The following PDE7B variants were observed in gnomAD, a reference collection of about 807,000 sequenced individuals.
The protein encoded by PDE7B is 3',5'-cyclic-AMP phosphodiesterase 7B.
In PDE7B, 29 loss-of-function variants were observed where a neutral mutation model predicts 56.2. That is an observed-to-expected ratio of 0.52 (90% CI 0.38 to 0.70). The LOEUF (loss-of-function observed/expected upper bound fraction) is 0.70. Among genes scored for constraint, PDE7B ranks in the 30% least tolerant of loss-of-function variants. The probability of loss-of-function intolerance (pLI) is 0.00; values close to 1 mark genes in which losing one functional copy is unlikely to be tolerated. For missense variants in PDE7B, 490 were observed against 565.0 expected, an observed-to-expected ratio of 0.87 and a Z score of 1.35; for synonymous variants, 197 against 196.9, an observed-to-expected ratio of 1.00 and a Z score of 0.00.
At chr6:135,956,306 G>T (rs1774792578) in intron 2 of PDE7B, among the ~76,000 whole-genome samples, 1 of 152,194 alleles carries the variant, frequency 6.6e-6, no homozygotes, top group Non-Finnish European at 1.5e-5. Context: ...TTCAAAAGGT[G>T]GGGCATAATA....
intron 2 of PDE7B, among the ~76,000 whole-genome samples, chr6:135,979,960 C>T (rs1207687676): frequency 1.2e-4 from 18 of 152,002 alleles, no homozygotes; most frequent in Non-Finnish European, 2.1e-4. Context: ...CATATGGAAC[C>T]AAAAAAGAGC....
Position 136,126,956 on chromosome 6 carries a change from A to T in PDE7B, c.166+18142A>T, listed in dbSNP as rs112750762. Reference sequence around the variant, plus strand: ...TCCCCAATAACCTATGGAAATAAAAATTTTTTTAAAAATTATACAAAAGAA... The same window carrying T: ...TCCCCAATAACCTATGGAAATAAAATTTTTTTTAAAAATTATACAAAAGAA... On this transcript the variant is annotated intron_variant, in intron 3 of 12. Coordinates refer to ENST00000308191, the MANE Select transcript of PDE7B (RefSeq NM_018945.4). 7.8e-3 allele frequency among the ~76,000 whole-genome samples: 1,195 copies of T among 152,260 alleles called. 13 individuals carry two copies. Among genetic ancestry groups the T allele is most frequent in the African/African-American group, 0.026 (1,090 of 41,522 alleles).
Position 136,108,798 on chromosome 6 carries a change from C to T in PDE7B, c.150C>T (p.Asp50=). ...AERRGSYPFI[D]FRLLNSTTYS... is the part of the protein sequence containing the mutation. ...GCCGTGGCTCCTACCCATTCATTGA[C>T]TTCCGCCTACTTAACAGTGAGTAAT... The change falls in exon 3 of 13, where the codon GAC becomes GAT. Residue 50 remains aspartate (D), a synonymous_variant. Transcript: ENST00000308191. The T allele has an allele frequency of 1.9e-6, 3 of 1,596,654 alleles. No homozygotes were observed. The highest frequency in any genetic ancestry group is 2.7e-5 in the African/African-American group (2 of 74,636).
At chr6:135,990,903 G>A (rs1351842886) in intron 2 of PDE7B, among the ~76,000 whole-genome samples, 2 of 152,230 alleles carry the variant, frequency 1.3e-5, no homozygotes, top group African/African-American at 4.8e-5. Context: ...CCTGAAGGCT[G>A]CTAGTTGCCC....
At chr6:136,002,529 A>G (rs1367069853) in intron 2 of PDE7B, among the ~76,000 whole-genome samples, 2 of 152,170 alleles carry the variant, frequency 1.3e-5, no homozygotes, top group Admixed American at 6.5e-5. Context: ...ATGGAAAACA[A>G]AAAAAGGCAG....
intron 2 of PDE7B, among the ~76,000 whole-genome samples, chr6:135,959,262 A>G (rs112632646): frequency 3.3e-5 from 5 of 152,116 alleles, no homozygotes; most frequent in African/African-American, 1.2e-4. Flanking sequence ...CACCATCCTC[A>G]TTTTTTCAAT....
At chr6:135,898,896 A>G (rs1775948035) in intron 1 of PDE7B, among the ~76,000 whole-genome samples, 1 of 152,176 alleles carries the variant, frequency 6.6e-6, no homozygotes, top group Non-Finnish European at 1.5e-5. Flanking sequence ...TTACCAAATT[A>G]CATATGATAT....
At chr6:135,935,751 C>T (rs1339806890) in intron 1 of PDE7B, among the ~76,000 whole-genome samples, 1 of 152,206 alleles carries the variant, frequency 6.6e-6, no homozygotes, top group Non-Finnish European at 1.5e-5. Flanking sequence ...ATTTCATTTT[C>T]ACTTGCAGCT....
chr6:135,859,096 T>C (rs1345292127), intron 1 of PDE7B, among the ~76,000 whole-genome samples: 1 of 151,976 alleles, frequency 6.6e-6, no homozygotes, highest in Non-Finnish European at 1.5e-5. Context: ...CCTTTCTCAT[T>C]ATGCCACTTG....
intron 3 of PDE7B, among the ~76,000 whole-genome samples, chr6:136,134,236 C>T (rs373802356): frequency 6.6e-5 from 10 of 152,062 alleles, no homozygotes; most frequent in East Asian, 3.9e-4. Flanking sequence ...AGTTGTAGTA[C>T]GTTATGGCAC....
At chr6:136,162,237 G>A (rs937683897) in intron 8 of PDE7B, 2 of 152,178 alleles carry the variant, frequency 1.3e-5, no homozygotes, top group Non-Finnish European at 2.9e-5. Context: ...AAGGAGAGAG[G>A]TTTAATTGAC....
intron 2 of PDE7B, among the ~76,000 whole-genome samples, chr6:136,029,561 T>C (rs9399178): frequency 0.48 from 73,454 of 152,000 alleles, 18,459 homozygotes; most frequent in East Asian, 0.65. Flanking sequence ...AGGAAGATCA[T>C]GGAGGACAAA....
At chr6:135,979,628 C>A (rs953535241) in intron 2 of PDE7B, among the ~76,000 whole-genome samples, 1 of 152,104 alleles carries the variant, frequency 6.6e-6, no homozygotes, top group East Asian at 1.9e-4. Flanking sequence ...GTAAAAATCA[C>A]AAGTATTCTT....
chr6:136,020,458 A>G (rs901011316), intron 2 of PDE7B, among the ~76,000 whole-genome samples: 4 of 152,238 alleles, frequency 2.6e-5, no homozygotes, highest in African/African-American at 9.6e-5. Context: ...TGAAATATGC[A>G]TGATAATATA....
chr6:136,191,037 T>TTTTTTTTTTTTTTTTTTTTTTAA (rs1471563191), intron 12 of PDE7B, among the ~76,000 whole-genome samples: 1 of 143,168 alleles, frequency 7.0e-6, no homozygotes, highest in African/African-American at 2.9e-5. Flanking sequence ...TTTTTTTTTT[T>TTTTTTTTTTTTTTTTTTTTTTAA]ACTTATATGT....
chr6:135,891,000 C>T (rs1021599120), intron 1 of PDE7B, among the ~76,000 whole-genome samples: 6 of 152,212 alleles, frequency 3.9e-5, no homozygotes, highest in African/African-American at 1.2e-4. Flanking sequence ...TCTTGTTTAA[C>T]ATGCTTCTTA....
intron 11 of PDE7B, among the ~76,000 whole-genome samples, chr6:136,185,495 C>G (rs1779129787): frequency 1.3e-5 from 2 of 152,078 alleles, no homozygotes; most frequent in South Asian, 4.2e-4. Context: ...GGGCTCACAC[C>G]TGTAATCCCA....
At chr6:135,883,506 C>A (rs1008388086) in intron 1 of PDE7B, among the ~76,000 whole-genome samples, 1 of 152,132 alleles carries the variant, frequency 6.6e-6, no homozygotes, top group Non-Finnish European at 1.5e-5. Context: ...TCTGCAAAAT[C>A]CGATGATGTT....
At chr6:136,037,568 G>T in intron 2 of PDE7B, 1 of 985,458 alleles carries the variant, frequency 1.0e-6, no homozygotes, top group Non-Finnish European at 1.2e-6. Context: ...AGGCCCTCCA[G>T]AGAGAAGCAG....
Sources: gnomAD v4.1 joint callset for allele counts (sites outside exome capture counted in the v4.1 genomes callset) on GRCh38, gnomAD v4.1.1 for gene constraint, MANE v1.5 for transcripts, NCBI Gene and HGNC (gene_info 2026-07-23, HGNC 2026-07-21) for gene names.